MS4A4E: variants seen among roughly 807,000 people sequenced by gnomAD.
The protein encoded by MS4A4E is membrane spanning 4-domains A4E, also known as putative membrane-spanning 4-domains subfamily A member 4E.
Under a neutral mutation model 13.3 loss-of-function variants are expected in MS4A4E, and 23 were observed. The ratio of observed to expected loss-of-function variants is 1.73; its 90% CI spans 1.25 to 2.45. The LOEUF (loss-of-function observed/expected upper bound fraction) is 2.45, where lower values mean the gene tolerates loss of function less well. MS4A4E is among the 30% of genes most tolerant of loss of function. The pLI, the probability that MS4A4E is intolerant of heterozygous loss-of-function variation, is 0.00. For synonymous variants in MS4A4E, 36 were observed against 45.6 expected (o/e 0.79, Z 0.85); for missense variants, 144 against 131.2 (o/e 1.10, Z -0.48).
intron 3 of MS4A4E, among the ~76,000 whole-genome samples, chr11:60,217,890 C>A (rs535471753): frequency 6.6e-6 from 1 of 152,048 alleles, no homozygotes; most frequent in Admixed American, 6.5e-5. Flanking sequence ...ATCTGGGCAC[C>A]TTGAAAAAAG....
chr11:60,225,086 C>T (rs760436331), intron 3 of MS4A4E: 98 of 1,548,296 alleles, frequency 6.3e-5, no homozygotes, highest in African/African-American at 4.3e-4. Flanking sequence ...AATCAGAATC[C>T]GCACAACCTA....
intron 1 of MS4A4E, among the ~76,000 whole-genome samples, chr11:60,239,303 T>C (rs1375830433): frequency 2.0e-5 from 3 of 152,220 alleles, no homozygotes; most frequent in Non-Finnish European, 4.4e-5. Context: ...AACCAGTTCA[T>C]GTCACTTAAT....
intron 3 of MS4A4E, chr11:60,225,008 G>C: frequency 6.5e-7 from 1 of 1,543,326 alleles, no homozygotes; most frequent in Non-Finnish European, 8.7e-7. Flanking sequence ...CACAAAAATG[G>C]GATGTTCTTC....
chr11:60,209,222 TGA>T (rs1401623367), intron 5 of MS4A4E: 1 of 152,212 alleles, frequency 6.6e-6, no homozygotes. Context: ...TTAGCTGGAA[TGA>T]GAGAATTTTC....
intron 8 of MS4A4E, among the ~76,000 whole-genome samples, chr11:60,203,350 A>G (rs1027021517): frequency 3.9e-5 from 6 of 152,176 alleles, no homozygotes; most frequent in African/African-American, 1.2e-4. Context: ...AAGAGCCTAT[A>G]AGGTAGGTAC....
chr11:60,221,937 T>C (rs975537959), intron 3 of MS4A4E, among the ~76,000 whole-genome samples: 2 of 152,188 alleles, frequency 1.3e-5, no homozygotes, highest in Non-Finnish European at 2.9e-5. Flanking sequence ...ACCCCTGTCA[T>C]TGCCCAATGA....
At chr11:60,225,840 T>C (rs2084333981) in intron 3 of MS4A4E, among the ~76,000 whole-genome samples, 1 of 150,602 alleles carries the variant, frequency 6.6e-6, no homozygotes, top group African/African-American at 2.4e-5. Flanking sequence ...AGAAAATTAA[T>C]AGACAAACTC....
In MS4A4E at chr11:60,201,094, G is replaced by A. The variant is rs551233790; in HGVS notation, c.*449C>T. On this transcript the variant is annotated 3_prime_UTR_variant, in exon 9 of 9. Coordinates refer to ENST00000651255, the MANE Select transcript of MS4A4E (RefSeq NM_001393391.1). ...GAACCCCCCACCTCCCTCCCGGACG[G>A]GGCGGCTGGCCGGGCGGGGTCTGAC... Among the ~76,000 whole-genome samples the A allele has an allele frequency of 2.1e-5, 3 of 141,264 alleles. No individual in the cohort carries two copies. The highest frequency in any genetic ancestry group is 7.8e-5 in the African/African-American group (3 of 38,386). The allele number at this position is 141,264 out of a possible 152,430, so 92.7% of individuals were successfully genotyped here.
intron 3 of MS4A4E, among the ~76,000 whole-genome samples, chr11:60,221,376 T>C (rs1273516811): frequency 6.6e-6 from 1 of 152,180 alleles, no homozygotes; most frequent in African/African-American, 2.4e-5. Context: ...CAAATGCTCA[T>C]GATCCCCATT....
intron 1 of MS4A4E, among the ~76,000 whole-genome samples, chr11:60,237,966 C>T (rs1490138758): frequency 1.3e-5 from 2 of 151,624 alleles, no homozygotes; most frequent in Non-Finnish European, 2.9e-5. Flanking sequence ...GTCTTTTATT[C>T]TATTAATGCA....
chr11:60,241,825 C>T (rs1235628546), intron 1 of MS4A4E, among the ~76,000 whole-genome samples: 1 of 152,132 alleles, frequency 6.6e-6, no homozygotes, highest in African/African-American at 2.4e-5. Flanking sequence ...TGCCACATCA[C>T]CTATATGCAT....
At chr11:60,213,368 CA>C in intron 4 of MS4A4E, 1 of 1,442,608 alleles carries the variant, frequency 6.9e-7, no homozygotes, top group South Asian at 1.2e-5. Flanking sequence ...AATCATTTAT[CA>C]GGGTTTTCAA....
At chr11:60,229,740 G>A (rs909396103) in intron 2 of MS4A4E, among the ~76,000 whole-genome samples, 172 bp downstream of exon 2, 2 of 152,172 alleles carry the variant, frequency 1.3e-5, no homozygotes, top group African/African-American at 4.8e-5. Context: ...GAAGCAGGAT[G>A]TGATAGAATA....
Position 60,243,122 on chromosome 11 carries a change from T to A in MS4A4E, c.-181A>T, listed in dbSNP as rs2084571133. The stretch of plus-strand genomic sequence containing the variant: ...AGTAGATGTTTGGAACCTTAAAGGA[T>A]GTGTTGAGAACTTCTGAGACACACA... On this transcript the variant is annotated 5_prime_UTR_variant, in exon 1 of 9. Coordinates refer to ENST00000651255, the MANE Select transcript of MS4A4E (RefSeq NM_001393391.1). 1.9e-6 allele frequency: 1 copy of A among 517,114 alleles called. No homozygotes were observed. Among genetic ancestry groups the A allele is most frequent in the Non-Finnish European group, 3.3e-6 (1 of 301,090 alleles). The allele number at this position is 517,114 out of a possible 1,614,324, so 32.0% of individuals were successfully genotyped here. A position where few individuals can be genotyped will look rare whatever the true frequency, so the allele number is the denominator to read the frequency against.
intron 1 of MS4A4E, among the ~76,000 whole-genome samples, chr11:60,233,766 G>A (rs538755823): frequency 2.8e-4 from 43 of 152,314 alleles, no homozygotes; most frequent in African/African-American, 8.7e-4. Flanking sequence ...GTGGGAATGC[G>A]GAGTCAGAGC....
chr11:60,228,131 A>C (rs1457636259), intron 3 of MS4A4E, among the ~76,000 whole-genome samples: 1 of 152,206 alleles, frequency 6.6e-6, no homozygotes, highest in Non-Finnish European at 1.5e-5. Context: ...TCTGCTCTGC[A>C]GAAGACACTG....
chr11:60,228,443 A>T, intron 3 of MS4A4E, 151 bp downstream of exon 3: 2 of 497,284 alleles, frequency 4.0e-6, no homozygotes, highest in Admixed American at 3.8e-5. Context: ...ACATTGAGGA[A>T]ATCAAATGCT....
chr11:60,238,883 CCTAA>C (rs1171895527), intron 1 of MS4A4E, among the ~76,000 whole-genome samples: 3 of 152,198 alleles, frequency 2.0e-5, no homozygotes, highest in African/African-American at 7.2e-5. Context: ...AGGATTCCTC[CCTAA>C]CTGATTCTTT....
At chr11:60,202,008 T>A (rs576424753) in intron 8 of MS4A4E, 129 bp from the exon 9 acceptor site, 1 of 153,024 alleles carries the variant, frequency 6.5e-6, no homozygotes, top group Non-Finnish European at 1.5e-5. Flanking sequence ...CTTGTTTTTA[T>A]CCTTATTATT....
Sources: allele counts gnomAD v4.1 joint callset (sites outside exome capture counted in the v4.1 genomes callset), GRCh38; gene constraint gnomAD v4.1.1; transcripts MANE v1.5; gene names NCBI Gene and HGNC (gene_info 2026-07-23, HGNC 2026-07-21).